CCDC18: variants seen among roughly 807,000 people sequenced by gnomAD.
The protein encoded by CCDC18 is coiled-coil domain containing 18, also known as coiled-coil domain-containing protein 18.
In CCDC18, 157 loss-of-function variants were observed where a neutral mutation model predicts 196.0. The observed-to-expected ratio is 0.80, with a 90% CI of 0.70 to 0.91. The LOEUF (loss-of-function observed/expected upper bound fraction) is 0.91, where lower values mean the gene tolerates loss of function less well. Among genes scored for constraint, CCDC18 ranks in the 40% least tolerant of loss-of-function variants. The probability of loss-of-function intolerance (pLI) is 0.00; values close to 1 mark genes in which losing one functional copy is unlikely to be tolerated. For missense variants in CCDC18, 1,465 were observed against 1,611.6 expected, an observed-to-expected ratio of 0.91 and a Z score of 1.56; for synonymous variants, 482 against 529.2, an observed-to-expected ratio of 0.91 and a Z score of 1.22.
chr1:93,241,723 C>CAAAAAAAAAA (rs35810581), intron 21 of CCDC18, among the ~76,000 whole-genome samples: 4 of 59,920 alleles, frequency 6.7e-5, no homozygotes, highest in Admixed American at 2.0e-4. Flanking sequence ...GACTCCATCT[C>CAAAAAAAAAA]AAAAAAAAAA....
At chr1:93,244,350 C>A (rs1349626819) in intron 21 of CCDC18, among the ~76,000 whole-genome samples, 2 of 152,176 alleles carry the variant, frequency 1.3e-5, no homozygotes, top group East Asian at 3.8e-4. Flanking sequence ...CACAGCCAAA[C>A]CATATCATAT....
intron 16 of CCDC18, among the ~76,000 whole-genome samples, chr1:93,225,709 A>AC (rs1345547523): frequency 6.6e-6 from 1 of 151,806 alleles, no homozygotes. Flanking sequence ...CCTGGGAGGT[A>AC]GAGGTTGCAG....
At chr1:93,186,575 C>T in intron 4 of CCDC18, 72 bp downstream of exon 4, 1 of 1,212,660 alleles carries the variant, frequency 8.2e-7, no homozygotes, top group Non-Finnish European at 1.2e-6. Flanking sequence ...GAAAAATATT[C>T]CTTGTATTGC....
chr1:93,214,482 T>A (rs1204784554), intron 11 of CCDC18, among the ~76,000 whole-genome samples: 1 of 152,232 alleles, frequency 6.6e-6, no homozygotes, highest in African/African-American at 2.4e-5. Context: ...GAAGGATTCT[T>A]ACATTTCTGG....
chr1:93,184,923 C>G (rs901606485), intron 3 of CCDC18, among the ~76,000 whole-genome samples: 7 of 151,830 alleles, frequency 4.6e-5, no homozygotes, highest in African/African-American at 1.7e-4. Context: ...GATCTCTATC[C>G]TCATTCAAAT....
intron 28 of CCDC18, among the ~76,000 whole-genome samples, chr1:93,273,121 T>G (rs916557237): frequency 1.3e-4 from 19 of 151,838 alleles, no homozygotes; most frequent in Admixed American, 2.0e-4. Flanking sequence ...CAGGCTGGAG[T>G]GCAGTGGCGC....
intron 4 of CCDC18, chr1:93,191,087 G>A: frequency 3.8e-6 from 2 of 522,216 alleles, no homozygotes; most frequent in South Asian, 1.8e-5. Flanking sequence ...TCAGCAAGGA[G>A]ATTTTTTTTT....
intron 24 of CCDC18, among the ~76,000 whole-genome samples, chr1:93,254,940 G>GTTTT (rs1662735800): frequency 1.2e-5 from 1 of 82,122 alleles, no homozygotes; most frequent in Non-Finnish European, 2.5e-5. Flanking sequence ...TGAGGAGTCA[G>GTTTT]CTTTTTTTTT....
intron 5 of CCDC18, among the ~76,000 whole-genome samples, chr1:93,193,399 C>T (rs538327576): frequency 1.3e-5 from 2 of 152,198 alleles, no homozygotes; most frequent in Non-Finnish European, 2.9e-5. Context: ...TGAGTTATTA[C>T]TTCAGATATA....
intron 21 of CCDC18, among the ~76,000 whole-genome samples, chr1:93,240,612 T>A (rs1660637340): frequency 6.6e-6 from 1 of 152,192 alleles, no homozygotes; most frequent in Non-Finnish European, 1.5e-5. Context: ...TACCACAGAA[T>A]TCAGTGTAGG....
chr1:93,254,649 T>C (rs1174029040), intron 24 of CCDC18, 35 bp downstream of exon 24: 1 of 1,575,704 alleles, frequency 6.3e-7, no homozygotes, highest in Admixed American at 1.7e-5. Context: ...GAACAAGTGG[T>C]AGTCTCTGTT....
intron 4 of CCDC18, chr1:93,190,643 C>T (rs1651592432): frequency 3.4e-6 from 1 of 293,272 alleles, no homozygotes; most frequent in Admixed American, 4.8e-5. Context: ...TGCCAGCCCC[C>T]AAACAGTATC....
intron 6 of CCDC18, among the ~76,000 whole-genome samples, chr1:93,195,368 G>A (rs1276123491): frequency 2.0e-5 from 3 of 152,192 alleles, no homozygotes; most frequent in East Asian, 3.8e-4. Flanking sequence ...ATGGCTTTGT[G>A]TGTTATACCA....
intron 10 of CCDC18, 82 bp downstream of exon 10, chr1:93,211,008 G>A: frequency 2.1e-6 from 3 of 1,437,502 alleles, no homozygotes; most frequent in Non-Finnish European, 2.9e-6. Flanking sequence ...CGGGCATGGT[G>A]GCTCATGCCT....
chr1:93,278,635 T>C lies in CCDC18; in HGVS notation c.*158T>C, dbSNP rs543407135. 10 of 343,742 alleles carry C rather than the reference T, an allele frequency of 2.9e-5. No individual in the cohort carries two copies. The highest frequency in any genetic ancestry group is 2.1e-4 in the African/African-American group (10 of 47,116). 21.3% of individuals were successfully genotyped at this position (343,742 alleles called of 1,614,324 possible). ...AGAAAGCCCTTCTAAAACTTAATTA[T>C]ATTTTTAAAGAAAATTTATTATTTT... is the stretch of plus-strand genomic sequence containing the variant. On this transcript the variant is annotated 3_prime_UTR_variant, in exon 29 of 29. Transcript: ENST00000690025.
rs1571376271 is a variant in CCDC18, at chr1:93,197,682, ACT to A, written c.698+3942_698+3943del. Among the ~76,000 whole-genome samples, 6 of 148,460 alleles carry A rather than the reference ACT, an allele frequency of 4.0e-5. 1 individual carries two copies. The highest frequency in any genetic ancestry group is 5.0e-5 in the African/African-American group (2 of 40,032). On this transcript the variant is annotated intron_variant, in intron 6 of 28. Transcript: ENST00000690025. Reference sequence around the variant, plus strand: ...GCCCATGATGACTAAAATGGAAAAGACTCTCAAAAACAAGTTATGGCAAGGAT... The same window carrying A: ...GCCCATGATGACTAAAATGGAAAAGACTCAAAAACAAGTTATGGCAAGGAT...
intron 28 of CCDC18, among the ~76,000 whole-genome samples, chr1:93,272,295 T>TA (rs1167341402): frequency 6.6e-6 from 1 of 152,214 alleles, no homozygotes; most frequent in Non-Finnish European, 1.5e-5. Context: ...TAGTGCCTGG[T>TA]ATATAGTAGA....
At chr1:93,220,441 A>T (rs1467062186) in intron 14 of CCDC18, among the ~76,000 whole-genome samples, 2 of 147,818 alleles carry the variant, frequency 1.4e-5, no homozygotes, top group Non-Finnish European at 2.9e-5. Flanking sequence ...TCAGGAATAA[A>T]GGAAGAACAA....
chr1:93,225,860 G>A (rs1023220357), intron 16 of CCDC18, among the ~76,000 whole-genome samples: 1 of 152,040 alleles, frequency 6.6e-6, no homozygotes, highest in African/African-American at 2.4e-5. Context: ...ATTCAAGGAG[G>A]CTTAAGAAGT....
Sources: gnomAD v4.1 joint callset for allele counts (sites outside exome capture counted in the v4.1 genomes callset) on GRCh38, gnomAD v4.1.1 for gene constraint, MANE v1.5 for transcripts, NCBI Gene and HGNC (gene_info 2026-07-23, HGNC 2026-07-21) for gene names.